Variants in PCDHGA8 observed in about 807,000 individuals in gnomAD.
The protein encoded by PCDHGA8 is protocadherin gamma-A8.
PCDHGA8 carries 45 observed loss-of-function variants against 59.2 expected under a neutral mutation model. The ratio of observed to expected loss-of-function variants is 0.76; its 90% CI spans 0.60 to 0.98. The LOEUF is 0.98. Ranked by LOEUF, PCDHGA8 falls within the 50% of genes least tolerant of loss-of-function variation. The pLI, the probability that PCDHGA8 is intolerant of heterozygous loss-of-function variation, is 0.00. For synonymous variants in PCDHGA8, 531 were observed against 519.0 expected (o/e 1.02, Z -0.32); for missense variants, 1,257 against 1,196.2 (o/e 1.05, Z -0.75).
chr5:141,500,269 C>T (rs977958449), intron 2 of PCDHGA8, among the ~76,000 whole-genome samples: 1 of 151,504 alleles, frequency 6.6e-6, no homozygotes, highest in African/African-American at 2.4e-5. Context: ...ACTGCAGTGG[C>T]GCAATCTCGG....
At chr5:141,415,445 A>G (rs1225407576) in intron 1 of PCDHGA8, 7 of 1,614,202 alleles carry the variant, frequency 4.3e-6, no homozygotes, top group South Asian at 1.1e-5. Flanking sequence ...CTGCAGACCT[A>G]TTCCCACGAG....
At chr5:141,445,751 G>A (rs1211416281) in intron 1 of PCDHGA8, among the ~76,000 whole-genome samples, 1 of 152,102 alleles carries the variant, frequency 6.6e-6, no homozygotes, top group East Asian at 1.9e-4. Context: ...AAAAATAAAA[G>A]GTGTGACTCA....
chr5:141,426,848 C>T (rs1379697529), intron 1 of PCDHGA8: 3 of 456,552 alleles, frequency 6.6e-6, no homozygotes, highest in Admixed American at 4.7e-5. Context: ...AAGGCAAGAA[C>T]GCTCCAGAAT....
At position 141,485,221 on chromosome 5, in the gene PCDHGA8, C is replaced by A; in HGVS notation, c.2425-9586C>A. 4 of 1,614,118 alleles carry A rather than the reference C, an allele frequency of 2.5e-6. No individual in the cohort carries two copies. The highest frequency in any genetic ancestry group is 2.2e-5 in the East Asian group (1 of 44,868). ...GGACAGAAATCTGGCGGTGGGCTAC[C>A]CTTTTGTTCCTCTTTTACCACCTGG... On this transcript the variant is annotated intron_variant, in intron 1 of 3. Coordinates refer to ENST00000398604, the MANE Select transcript of PCDHGA8 (RefSeq NM_032088.2). The surrounding 1 kb of genome is among the most constrained non-coding windows in gnomAD (Gnocchi z 5.7).
At chr5:141,410,804 T>A in intron 1 of PCDHGA8, 1 of 674,100 alleles carries the variant, frequency 1.5e-6, no homozygotes, top group Non-Finnish European at 2.3e-6. Flanking sequence ...TTGCTCTATC[T>A]TTTTGTAAAA....
In PCDHGA8 at chr5:141,485,313, A is replaced by G. The variant is rs758628263; in HGVS notation, c.2425-9494A>G. On this transcript the variant is annotated intron_variant, in intron 1 of 3. Transcript: ENST00000398604. The surrounding 1 kb of genome is among the most constrained non-coding windows in gnomAD (Gnocchi z 5.7). Reference sequence around the variant, plus strand: ...TCACAGGAAGGGACTTTTGTAGGGAATGTCGCTCAAGATTTCCTGCTGGAT... The same window carrying G: ...TCACAGGAAGGGACTTTTGTAGGGAGTGTCGCTCAAGATTTCCTGCTGGAT... 1.2e-6 allele frequency: 2 copies of G among 1,614,186 alleles called. No individual in the cohort carries two copies. Among genetic ancestry groups the G allele is most frequent in the African/African-American group, 1.3e-5 (1 of 75,054 alleles).
At chr5:141,497,223 T>C (rs921763195) in intron 2 of PCDHGA8, among the ~76,000 whole-genome samples, 1 of 151,762 alleles carries the variant, frequency 6.6e-6, no homozygotes, top group Admixed American at 6.6e-5. Context: ...GGGGGGAAGA[T>C]CAGAGAAGGC....
chr5:141,494,815 G>T lies in PCDHGA8; in HGVS notation c.2433G>T (p.Pro811=). The change falls in exon 2 of 4, where the codon CCG becomes CCT. Residue 811 remains proline, a synonymous_variant. Transcript: ENST00000398604. ...CTCTGTTTTCTCCACAGCAAGCCCC[G>T]CCCAACACGGACTGGCGTTTCTCTC... The part of the protein sequence containing the change: ...KNEADHGQQA[P]PNTDWRFSQA... 1.2e-6 allele frequency: 2 copies of T among 1,613,976 alleles called. No individual in the cohort carries two copies. The highest frequency in any genetic ancestry group is 1.1e-5 in the South Asian group (1 of 91,072).
chr5:141,398,584 A>T lies in PCDHGA8; in HGVS notation c.2424+3347A>T, dbSNP rs201021035. On this transcript the variant is annotated intron_variant, in intron 1 of 3. Transcript: ENST00000398604. Reference sequence around the variant, plus strand: ...GTCTGCACAGCCTGGCACAAGATTTATACTAGAAGTAGCAGAAGATGCAGA... The same window carrying T: ...GTCTGCACAGCCTGGCACAAGATTTTTACTAGAAGTAGCAGAAGATGCAGA... 1.9e-6 allele frequency: 3 copies of T among 1,614,066 alleles called. No homozygotes were observed. In the South Asian group the frequency reaches 3.3e-5, roughly 18 times the overall value.
intron 1 of PCDHGA8, among the ~76,000 whole-genome samples, chr5:141,464,964 A>G (rs1433148254): frequency 6.6e-6 from 1 of 152,030 alleles, no homozygotes; most frequent in Non-Finnish European, 1.5e-5. Flanking sequence ...CTTGTCTTGA[A>G]CTACTGGCTT....
intron 1 of PCDHGA8, among the ~76,000 whole-genome samples, chr5:141,406,925 G>A (rs1003832711): frequency 2.0e-5 from 3 of 152,268 alleles, no homozygotes; most frequent in African/African-American, 7.2e-5. Flanking sequence ...AGAGAATAAT[G>A]TATTATTTAA....
chr5:141,399,506 A>G, intron 1 of PCDHGA8: 1 of 1,613,982 alleles, frequency 6.2e-7, no homozygotes, highest in Non-Finnish European at 8.5e-7. Flanking sequence ...GTACCCGAAA[A>G]CAACCCTCCT....
At chr5:141,412,286 G>A (rs150947924) in intron 1 of PCDHGA8, 104 of 152,170 alleles carry the variant, frequency 6.8e-4, no homozygotes, top group African/African-American at 2.3e-3. Flanking sequence ...CAAATTCTAC[G>A]TATTTCTTTT....
At chr5:141,418,520 C>T (rs766042374) in intron 1 of PCDHGA8, 3 of 1,613,936 alleles carry the variant, frequency 1.9e-6, no homozygotes, top group Non-Finnish European at 2.5e-6. Flanking sequence ...TGGGGACCCT[C>T]CCCGAAGCGG....
rs764067454 is a variant in PCDHGA8 at position 141,413,998 on chromosome 5, G to C, written c.2424+18761G>C. On this transcript the variant is annotated intron_variant, in intron 1 of 3. Coordinates refer to ENST00000398604, the MANE Select transcript of PCDHGA8 (RefSeq NM_032088.2). Reference sequence around the variant, plus strand: ...GACAGTCACAGCCACCGACAGGGACGAAGGTGCCAATGGAGAAGTGACATA... The same window carrying C: ...GACAGTCACAGCCACCGACAGGGACCAAGGTGCCAATGGAGAAGTGACATA... 29 of 1,613,320 alleles carry C rather than the reference G, an allele frequency of 1.8e-5. No individual in the cohort carries two copies. The Admixed American group carries it at 4.8e-4, about 27-fold the overall frequency.
At chr5:141,409,735 C>T (rs763035733) in intron 1 of PCDHGA8, 1 of 1,613,006 alleles carries the variant, frequency 6.2e-7, no homozygotes, top group Admixed American at 1.7e-5. Context: ...GCGCGCAGAG[C>T]GGGGTGGTGT....
At chr5:141,468,415 G>A (rs1040067190) in intron 1 of PCDHGA8, 5 of 151,704 alleles carry the variant, frequency 3.3e-5, no homozygotes, top group Non-Finnish European at 7.4e-5. Context: ...TAATAAGTTA[G>A]ATAGCAAGGT....
intron 1 of PCDHGA8, among the ~76,000 whole-genome samples, chr5:141,492,996 AG>A: frequency 6.6e-6 from 1 of 152,348 alleles, no homozygotes; most frequent in Admixed American, 6.5e-5. Flanking sequence ...GCAGATGGAA[AG>A]CTATAGGCTC....
chr5:141,409,882 G>A, intron 1 of PCDHGA8: 1 of 1,613,006 alleles, frequency 6.2e-7, no homozygotes, highest in Non-Finnish European at 8.5e-7. Context: ...ACAACGCACC[G>A]CGGGTGCTGT....
Sources: allele counts gnomAD v4.1 joint callset (sites outside exome capture counted in the v4.1 genomes callset), GRCh38; gene constraint gnomAD v4.1.1; non-coding constraint Gnocchi (gnomAD v3.1); transcripts MANE v1.5; gene names NCBI Gene and HGNC (gene_info 2026-07-23, HGNC 2026-07-21).